ADAM23: variants seen among roughly 807,000 people sequenced by gnomAD.
The protein encoded by ADAM23 is ADAM metallopeptidase domain 23, also known as disintegrin and metalloproteinase domain-containing protein 23.
In ADAM23, 33 loss-of-function variants were observed where a neutral mutation model predicts 120.1. The ratio of observed to expected loss-of-function variants is 0.27; its 90% CI spans 0.21 to 0.37. ADAM23 has a LOEUF of 0.37. Ranked by LOEUF, ADAM23 falls within the 10% of genes least tolerant of loss-of-function variation. The pLI, the probability that ADAM23 is intolerant of heterozygous loss-of-function variation, is 1.00. For synonymous variants in ADAM23, 367 were observed against 375.2 expected (o/e 0.98, Z 0.25); for missense variants, 862 against 1,058.2 (o/e 0.81, Z 2.57).
chr2:206,609,885 C>CT, intron 24 of ADAM23, 25 bp from the exon 25 acceptor site: 1 of 1,583,158 alleles, frequency 6.3e-7, no homozygotes, highest in Non-Finnish European at 8.6e-7. Flanking sequence ...TCATATGACT[C>CT]TCTTCCCATG....
intron 22 of ADAM23, 35 bp downstream of exon 22, chr2:206,592,771 A>G (rs372544342): frequency 4.2e-5 from 66 of 1,569,672 alleles, no homozygotes; most frequent in African/African-American, 3.1e-4. Context: ...CTAATAAGCC[A>G]TGAGAATTAC....
chr2:206,592,493 A>T (rs1439192236), intron 21 of ADAM23, 124 bp from the exon 22 acceptor site: 13 of 1,247,602 alleles, frequency 1.0e-5, no homozygotes, highest in Middle Eastern at 2.1e-4. Flanking sequence ...TATATGATCA[A>T]ATGTTTTTGT....
At chr2:206,447,173 C>T (rs757271928) in intron 2 of ADAM23, among the ~76,000 whole-genome samples, 23 of 152,072 alleles carry the variant, frequency 1.5e-4, no homozygotes, top group Non-Finnish European at 3.2e-4. Context: ...TTTGGTGGGA[C>T]GTGGTTTGAC....
intron 3 of ADAM23, among the ~76,000 whole-genome samples, chr2:206,507,648 G>T (rs556083565): frequency 2.6e-5 from 4 of 152,150 alleles, no homozygotes; most frequent in African/African-American, 9.7e-5. Context: ...AGGATTTATT[G>T]TATGGCTTTT....
chr2:206,444,443 G>A (rs950234819), intron 1 of ADAM23, among the ~76,000 whole-genome samples: 1 of 152,144 alleles, frequency 6.6e-6, no homozygotes, highest in African/African-American at 2.4e-5. Flanking sequence ...ATGTGAATGC[G>A]GGGAGGATGT....
At chr2:206,499,274 A>G (rs1434809440) in intron 3 of ADAM23, among the ~76,000 whole-genome samples, 3 of 152,130 alleles carry the variant, frequency 2.0e-5, no homozygotes, top group Non-Finnish European at 4.4e-5. Flanking sequence ...AGACTGGATT[A>G]AGAAAATGTG....
chr2:206,581,862 T>C (rs967910256), intron 18 of ADAM23, among the ~76,000 whole-genome samples: 2 of 152,026 alleles, frequency 1.3e-5, no homozygotes, highest in Admixed American at 6.5e-5. Flanking sequence ...CTATGTCCTT[T>C]CTCTTCCTTC....
In ADAM23 at chr2:206,468,681, T is replaced by C. The variant is rs375627082; in HGVS notation, c.433-12551T>C. 6.6e-5 allele frequency among the ~76,000 whole-genome samples: 10 copies of C among 152,332 alleles called. No homozygotes were observed. The East Asian group carries it at 1.7e-3, about 26-fold the overall frequency. On this transcript the variant is annotated intron_variant, in intron 2 of 25. Transcript: ENST00000264377. The stretch of plus-strand genomic sequence containing the variant: ...AGCCTCTGCCTGTTACCCAGTTCCA[T>C]GGCTGCTTCCACATTTTCAGGTATC...
At chr2:206,600,276 T>C (rs1223660644) in intron 24 of ADAM23, among the ~76,000 whole-genome samples, 1 of 152,224 alleles carries the variant, frequency 6.6e-6, no homozygotes, top group Non-Finnish European at 1.5e-5. Flanking sequence ...ACCTGCCTGA[T>C]TGAGCACAGT....
chr2:206,469,169 A>G (rs1695604127), intron 2 of ADAM23, among the ~76,000 whole-genome samples: 1 of 152,120 alleles, frequency 6.6e-6, no homozygotes, highest in Non-Finnish European at 1.5e-5. Flanking sequence ...AGTTTAAAGG[A>G]TTTATTCTTT....
chr2:206,571,910 T>G, intron 17 of ADAM23, 94 bp downstream of exon 17: 1 of 1,137,328 alleles, frequency 8.8e-7, no homozygotes, highest in Non-Finnish European at 1.3e-6. Context: ...TTGTCACAAA[T>G]TTCTTGGGTA....
rs768198707 is a variant in ADAM23, at chr2:206,445,351, G to A, written c.259G>A (p.Ala87Thr). ...ETAEKNLGVL[A>T]DEDNTLQQNS... ...TGCAGAAAAAAATTTGGGAGTCCTG[G>A]CAGATGAAGACAATACATTGCAACA... is the stretch of plus-strand genomic sequence containing the variant. Residue 87 changes from alanine (A) to threonine (T), a missense_variant, in exon 2 of 26, where the codon GCA (alanine) becomes ACA (threonine). Around this residue, in one of 4 missense-constraint regions of ADAM23, gnomAD observed 225 missense variants for 204.0 expected, o/e 1.10. Transcript: ENST00000264377. 1 of 1,614,008 alleles carries A rather than the reference G, an allele frequency of 6.2e-7. No individual in the cohort carries two copies. Among genetic ancestry groups the A allele is most frequent in the South Asian group, 1.1e-5 (1 of 91,070 alleles).
chr2:206,590,210 G>A (rs1469476879), intron 21 of ADAM23, among the ~76,000 whole-genome samples: 2 of 151,992 alleles, frequency 1.3e-5, no homozygotes, highest in African/African-American at 4.8e-5. Context: ...TGATTCTCGT[G>A]CCTCAACCTC....
intron 2 of ADAM23, among the ~76,000 whole-genome samples, chr2:206,454,740 A>G (rs976170195): frequency 2.0e-5 from 3 of 152,232 alleles, no homozygotes; most frequent in African/African-American, 7.2e-5. Flanking sequence ...TAAAGGGGCT[A>G]CAGGCTCCAT....
intron 2 of ADAM23, among the ~76,000 whole-genome samples, chr2:206,457,231 T>A (rs1695318852): frequency 6.6e-6 from 1 of 152,226 alleles, no homozygotes; most frequent in South Asian, 2.1e-4. Flanking sequence ...ATCTATAATC[T>A]CACATGGTCC....
chr2:206,565,145 C>A, intron 14 of ADAM23, 77 bp downstream of exon 14: 3 of 1,335,608 alleles, frequency 2.2e-6, no homozygotes, highest in South Asian at 1.2e-5. Flanking sequence ...CAAGGTCTCT[C>A]GGGTATTGGT....
At chr2:206,470,709 A>G (rs1695639608) in intron 2 of ADAM23, among the ~76,000 whole-genome samples, 1 of 152,172 alleles carries the variant, frequency 6.6e-6, no homozygotes, top group Non-Finnish European at 1.5e-5. Flanking sequence ...CCCAATGTGA[A>G]AGTTACTCTT....
intron 24 of ADAM23, chr2:206,608,068 G>A: frequency 2.5e-6 from 1 of 393,730 alleles, no homozygotes; most frequent in African/African-American, 2.1e-5. Context: ...GTTGAATTGT[G>A]GGGAGGAAAT....
At chr2:206,521,330 C>G (rs1265898021) in intron 3 of ADAM23, among the ~76,000 whole-genome samples, 1 of 151,640 alleles carries the variant, frequency 6.6e-6, no homozygotes, top group Non-Finnish European at 1.5e-5. Flanking sequence ...CTGCTGCTCC[C>G]TGCATGGTAG....
Sources: gnomAD v4.1 joint callset for allele counts (sites outside exome capture counted in the v4.1 genomes callset) on GRCh38, gnomAD v4.1.1 for gene constraint, gnomAD v4.1.1 regional missense constraint, MANE v1.5 for transcripts, NCBI Gene and HGNC (gene_info 2026-07-23, HGNC 2026-07-21) for gene names.